Variants in ST6GALNAC1 observed in about 807,000 individuals in gnomAD.
ST6GALNAC1 encodes the protein alpha-N-acetylgalactosaminide alpha-2,6-sialyltransferase 1.
ST6GALNAC1 carries 45 observed loss-of-function variants against 56.8 expected under a neutral mutation model. The observed-to-expected ratio is 0.79, with a 90% CI of 0.62 to 1.02. ST6GALNAC1 has a LOEUF of 1.02. Among genes scored for constraint, ST6GALNAC1 ranks in the 50% least tolerant of loss-of-function variants. ST6GALNAC1 has a pLI of 0.00. For missense variants in ST6GALNAC1, 743 were observed against 754.8 expected, an observed-to-expected ratio of 0.98 and a Z score of 0.18; for synonymous variants, 295 against 297.8, an observed-to-expected ratio of 0.99 and a Z score of 0.10.
Position 76,626,083 on chromosome 17 carries a change from C to A in ST6GALNAC1, c.1428G>T (p.Gln476His). The A allele has an allele frequency of 3.1e-6, 5 of 1,614,114 alleles. No individual in the cohort carries two copies. The highest frequency in any genetic ancestry group is 4.2e-6 in the Non-Finnish European group (5 of 1,179,996). ...TGTGCAGGGCTTCCCGAAAAGCTTC[C>A]TGGGGTCTGTGCCTGTGGTTAGGAA... The part of the protein sequence containing the change: ...KNLFWFRHRP[Q>H]EAFREALHMD... Residue 476 changes from glutamine to histidine, a missense_variant, in exon 7 of 9, where the codon CAG becomes CAT. Gln to His is a conservative substitution (Grantham distance 24). Transcript: ENST00000156626.
In ST6GALNAC1 at chr17:76,626,344, GC is replaced by G; in HGVS notation, c.1359del (p.Trp453CysfsTer7). On this transcript the variant is annotated frameshift_variant, in exon 6 of 9. Transcript: ENST00000156626. LOFTEE classifies it high-confidence loss of function. ...HFLEGTRDYE[W>X]LEALLMNQTV... ...GTCTGATTCATAAGCAGTGCTTCCA[GC>G]CACTCATAGTCCCGGGTGCCTTCCA... 1 of 1,614,196 alleles carries G rather than the reference GC, an allele frequency of 6.2e-7. No individual in the cohort carries two copies. Among genetic ancestry groups the G allele is most frequent in the South Asian group, 1.1e-5 (1 of 91,080 alleles).
the ST6GALNAC1 span, among the ~76,000 whole-genome samples, chr17:76,619,627 CA>C: frequency 1.3e-5 from 2 of 152,102 alleles, no homozygotes; most frequent in African/African-American, 4.8e-5. Context: ...CAAACCTACC[CA>C]CCAACTAGAG....
chr17:76,625,025 A>T lies in ST6GALNAC1; in HGVS notation c.*305T>A. 2.6e-6 allele frequency: 1 copy of T among 385,514 alleles called. No homozygotes were observed. Among genetic ancestry groups the T allele is most frequent in the African/African-American group, 2.0e-5 (1 of 48,990 alleles). 23.9% of individuals were successfully genotyped at this position (385,514 alleles called of 1,614,324 possible). A position where few individuals can be genotyped will look rare whatever the true frequency, so the allele number is the denominator to read the frequency against. On this transcript the variant is annotated 3_prime_UTR_variant, in exon 9 of 9. Coordinates refer to ENST00000156626, the MANE Select transcript of ST6GALNAC1 (RefSeq NM_018414.5). The stretch of plus-strand genomic sequence containing the variant: ...TGTAAATCCAGGCTCTTTTTTCTGT[A>T]TCAAGAAGCTTTTGGACTGGAAGAG...
At chr17:76,620,762 G>A (rs1167987069), downstream of ST6GALNAC1, among the ~76,000 whole-genome samples, 2 of 151,400 alleles carry the variant, frequency 1.3e-5, no homozygotes, top group Non-Finnish European at 2.9e-5. Flanking sequence ...TTTTTATTTT[G>A]TATTTTTTGT....
At chr17:76,641,929 A>C (rs2076052759) in intron 1 of ST6GALNAC1, 1 of 151,662 alleles carries the variant, frequency 6.6e-6, no homozygotes, top group Admixed American at 6.6e-5. Flanking sequence ...GTAGCATGAG[A>C]TACATATATA....
chr17:76,625,577 G>T (rs2143410545), intron 8 of ST6GALNAC1, 50 bp from the exon 9 acceptor site: 2 of 1,595,418 alleles, frequency 1.3e-6, no homozygotes, highest in Non-Finnish European at 1.7e-6. Flanking sequence ...TGTTGCCCAG[G>T]CTTCTTCTCA....
chr17:76,628,748 C>A (rs1009804228), intron 2 of ST6GALNAC1, among the ~76,000 whole-genome samples: 2 of 152,182 alleles, frequency 1.3e-5, no homozygotes, highest in Non-Finnish European at 1.5e-5. Context: ...CCAGGGCAGG[C>A]CCCATCTCAC....
At position 76,629,021 on chromosome 17, in the gene ST6GALNAC1, G is replaced by T; in HGVS notation, c.822C>A (p.Gly274=). 6.5e-7 allele frequency: 1 copy of T among 1,528,692 alleles called. No individual in the cohort carries two copies. Among genetic ancestry groups the T allele is most frequent in the Non-Finnish European group, 8.8e-7 (1 of 1,139,448 alleles). 94.7% of individuals were successfully genotyped at this position (1,528,692 alleles called of 1,614,324 possible). ...GGTGGCAAAAACTCACCGTCTGAAG[G>T]CCTCCTATTTCGAAGCTGTATTTTT... ...FEEKYSFEIG[G]LQTTCPDSVK... Residue 274 remains glycine (G), a synonymous_variant, in exon 2 of 9, where the codon GGC becomes GGA. Coordinates refer to ENST00000156626, the MANE Select transcript of ST6GALNAC1 (RefSeq NM_018414.5).
In ST6GALNAC1 at chr17:76,625,641, G is replaced by T; in HGVS notation, c.1606-114C>A. The T allele has an allele frequency of 2.3e-6, 3 of 1,318,766 alleles. No individual in the cohort carries two copies. The South Asian group carries it at 4.0e-5, about 18-fold the overall frequency. The allele number at this position is 1,318,766 out of a possible 1,614,324, so 81.7% of individuals were successfully genotyped here. A position where few individuals can be genotyped will look rare whatever the true frequency, so the allele number is the denominator to read the frequency against. On this transcript the variant is annotated intron_variant, in intron 8 of 8. Transcript: ENST00000156626. ...TTCTTTTCCCTGGCTCCGTCCCTAG[G>T]GGTCTGGGTGCAGGTCCCTGGATAC...
chr17:76,642,240 C>CTATCTATG (rs2076059359), intron 1 of ST6GALNAC1, among the ~76,000 whole-genome samples: 1 of 151,866 alleles, frequency 6.6e-6, no homozygotes, highest in East Asian at 1.9e-4. Context: ...ATCTATCTAT[C>CTATCTATG]TATCATCTAT....
intron 1 of ST6GALNAC1, among the ~76,000 whole-genome samples, chr17:76,638,725 G>A (rs971804210): frequency 6.6e-4 from 100 of 152,096 alleles, no homozygotes; most frequent in African/African-American, 2.2e-3. Context: ...GGAATTACAG[G>A]CACCGGACCA....
intron 5 of ST6GALNAC1, 34 bp downstream of exon 5, chr17:76,626,617 C>A: frequency 1.2e-6 from 2 of 1,613,596 alleles, no homozygotes; most frequent in African/African-American, 2.7e-5. Flanking sequence ...CATCCAGAGT[C>A]TGGGTGTGGC....
chr17:76,625,656 T>A, intron 8 of ST6GALNAC1, 129 bp from the exon 9 acceptor site: 2 of 1,209,348 alleles, frequency 1.7e-6, no homozygotes, highest in Non-Finnish European at 2.3e-6. Context: ...TGGGTGCAGG[T>A]CCCTGGATAC....
chr17:76,639,636 TAAACACACACACACAC>T (rs1489829294), intron 1 of ST6GALNAC1, among the ~76,000 whole-genome samples: 22 of 110,218 alleles, frequency 2.0e-4, no homozygotes, highest in Admixed American at 4.4e-4. Context: ...AATTACATGA[TAAACACACACACACAC>T]ACACACACAC....
At chr17:76,623,662 GCTAA>G (rs2075761708), downstream of ST6GALNAC1, among the ~76,000 whole-genome samples, 1 of 152,082 alleles carries the variant, frequency 6.6e-6, no homozygotes, top group Non-Finnish European at 1.5e-5. Context: ...CTTATATCCT[GCTAA>G]CTTACTATAA....
chr17:76,631,511 G>T (rs534267709), intron 1 of ST6GALNAC1, among the ~76,000 whole-genome samples: 1 of 152,238 alleles, frequency 6.6e-6, no homozygotes, highest in South Asian at 2.1e-4. Context: ...CCAAGAGCAG[G>T]AAGTAGTTGA....
intron 2 of ST6GALNAC1, 95 bp downstream of exon 2, chr17:76,628,917 G>A: frequency 8.7e-7 from 1 of 1,146,144 alleles, no homozygotes; most frequent in Non-Finnish European, 1.3e-6. Flanking sequence ...TCTAGAAGCA[G>A]AGCCCAGGAG....
intron 1 of ST6GALNAC1, among the ~76,000 whole-genome samples, chr17:76,635,527 C>T (rs1373795276): frequency 6.6e-6 from 1 of 152,170 alleles, no homozygotes; most frequent in Non-Finnish European, 1.5e-5. Flanking sequence ...ATCCCAGCTA[C>T]TCTGGAGGCT....
chr17:76,637,967 T>C (rs1307655824), intron 1 of ST6GALNAC1, among the ~76,000 whole-genome samples: 1 of 152,050 alleles, frequency 6.6e-6, no homozygotes, highest in Non-Finnish European at 1.5e-5. Context: ...GTAGCTGGGA[T>C]TACATGCATG....
Sources: allele counts gnomAD v4.1 joint callset (sites outside exome capture counted in the v4.1 genomes callset), GRCh38; gene constraint gnomAD v4.1.1; transcripts MANE v1.5; gene names NCBI Gene and HGNC (gene_info 2026-07-23, HGNC 2026-07-21).